FANCA: variants seen among roughly 807,000 people sequenced by gnomAD.
FANCA encodes Fanconi anemia group A protein.
In FANCA, 236 loss-of-function variants were observed where a neutral mutation model predicts 194.3. The observed-to-expected ratio is 1.21, with a 90% CI of 1.09 to 1.35. The LOEUF is 1.35. Among genes scored for constraint, FANCA ranks in the 40% most tolerant of loss-of-function variants. FANCA has a pLI of 0.00. For synonymous variants in FANCA, 1,014 were observed against 715.8 expected, an observed-to-expected ratio of 1.42 and a Z score of -6.65; for missense variants, 2,628 against 1,813.9, an observed-to-expected ratio of 1.45 and a Z score of -8.15.
chr16:89,795,697 T>C (rs183108125), intron 11 of FANCA, among the ~76,000 whole-genome samples: 4 of 152,342 alleles, frequency 2.6e-5, no homozygotes, highest in Admixed American at 6.5e-5. Context: ...CCACTCATAA[T>C]TCTGAATTTT....
At chr16:89,770,670 G>A (rs2039292866) in intron 23 of FANCA, 36 bp from the exon 24 acceptor site, 3 of 1,557,380 alleles carry the variant, frequency 1.9e-6, no homozygotes, top group Admixed American at 1.9e-5. Context: ...GTGGTGTCCT[G>A]GGGACGGGAG....
intron 3 of FANCA, among the ~76,000 whole-genome samples, 176 bp from the exon 4 acceptor site, chr16:89,811,247 C>G (rs1267684733): frequency 6.6e-6 from 1 of 152,156 alleles, no homozygotes; most frequent in Admixed American, 6.6e-5. Flanking sequence ...ATTTGATGAT[C>G]CAAGCAGCTC....
In FANCA at chr16:89,764,930, T is replaced by G. The variant is rs1302083447; in HGVS notation, c.2738A>C (p.His913Pro). The part of the protein sequence containing the change: ...WQRAALSLWT[H>P]RTFREVLKEE... ...TTTCAACACCTCTCGGAAGGTTCTGTGTGTCCAGAGAGAGAGGGCAGCTCT... is the reference window on the plus strand; with the variant it reads ...TTTCAACACCTCTCGGAAGGTTCTGGGTGTCCAGAGAGAGAGGGCAGCTCT... The change falls in exon 28 of 43, where the codon CAC (histidine) becomes CCC (proline). Residue 913 changes from histidine to proline, a missense_variant. By Grantham distance (77) the His-to-Pro change is moderately conservative. Coordinates refer to ENST00000389301, the MANE Select transcript of FANCA (RefSeq NM_000135.4). The G allele has an allele frequency of 1.9e-6, 3 of 1,614,068 alleles. No individual in the cohort carries two copies. Among genetic ancestry groups the G allele is most frequent in the Non-Finnish European group, 2.5e-6 (3 of 1,180,032 alleles).
intron 22 of FANCA, 150 bp downstream of exon 22, chr16:89,773,121 C>T (rs2039380539): frequency 2.9e-6 from 2 of 688,288 alleles, no homozygotes. Context: ...AAAGGTTCCA[C>T]ACCCGCCAGC....
At chr16:89,760,138 G>A (rs896014342) in intron 29 of FANCA, among the ~76,000 whole-genome samples, 15 of 152,214 alleles carry the variant, frequency 9.9e-5, no homozygotes, top group African/African-American at 3.1e-4. Flanking sequence ...TCCACGCAGC[G>A]GTGACCTGAT....
chr16:89,779,837 C>T (rs750613161), intron 18 of FANCA, 32 bp downstream of exon 18: 1 of 1,589,816 alleles, frequency 6.3e-7, no homozygotes, highest in Non-Finnish European at 8.6e-7. Flanking sequence ...CACACTGCAG[C>T]TGCTAGAGGC....
At chr16:89,771,155 C>CAAAAAAA (rs34471552) in intron 23 of FANCA, among the ~76,000 whole-genome samples, 1 of 56,644 alleles carries the variant, frequency 1.8e-5, no homozygotes, top group African/African-American at 7.3e-5. Flanking sequence ...AAGACTCAGT[C>CAAAAAAA]AAAAAAAAAA....
intron 37 of FANCA, among the ~76,000 whole-genome samples, chr16:89,742,287 C>G (rs1188728392): frequency 1.3e-5 from 2 of 151,860 alleles, no homozygotes; most frequent in Non-Finnish European, 2.9e-5. Context: ...TACAGACCCC[C>G]ATCTCAGAAA....
intron 6 of FANCA, among the ~76,000 whole-genome samples, chr16:89,805,601 G>C (rs2040611929): frequency 6.6e-6 from 1 of 152,092 alleles, no homozygotes; most frequent in Non-Finnish European, 1.5e-5. Flanking sequence ...TGGGACAACA[G>C]GCGCATACCA....
At chr16:89,759,318 T>TTAAAAAAAAA (rs1224981781) in intron 29 of FANCA, among the ~76,000 whole-genome samples, 1,207 of 75,202 alleles carry the variant, frequency 0.016, 309 homozygotes, top group South Asian at 0.03. Flanking sequence ...AGACTCCGTC[T>TTAAAAAAAAA]AAAAAAAAAA....
chr16:89,799,731 A>G, intron 8 of FANCA, 93 bp from the exon 9 acceptor site: 4 of 1,144,146 alleles, frequency 3.5e-6, no homozygotes, highest in East Asian at 2.4e-5. Flanking sequence ...TTGTTACTCT[A>G]AAGTAAAGAA....
intron 30 of FANCA, among the ~76,000 whole-genome samples, chr16:89,757,916 C>T (rs1025567274): frequency 2.0e-5 from 3 of 152,120 alleles, no homozygotes; most frequent in African/African-American, 4.8e-5. Context: ...CTTGCTCTGT[C>T]GCCCAGTCGG....
At chr16:89,745,099 GAGGGTGGCTGAGATGGACACAC>G in intron 35 of FANCA, 28 bp from the exon 36 acceptor site, 1 of 1,551,600 alleles carries the variant, frequency 6.4e-7, no homozygotes, top group East Asian at 2.4e-5. Flanking sequence ...GCACACAGAT[GAGGGTGGCTGAGATGGACACAC>G]CTCCGCTGCC....
chr16:89,758,991 G>A (rs2038853989), intron 29 of FANCA, among the ~76,000 whole-genome samples: 3 of 152,234 alleles, frequency 2.0e-5, no homozygotes, highest in South Asian at 2.1e-4. Context: ...TGGCCACACA[G>A]CACATGAGCT....
intron 23 of FANCA, 50 bp from the exon 24 acceptor site, chr16:89,770,684 C>A: frequency 1.3e-6 from 2 of 1,512,652 alleles, no homozygotes; most frequent in Non-Finnish European, 1.8e-6. Context: ...ACGGGAGCAG[C>A]AGGAAGGAAG....
chr16:89,743,780 G>A (rs964124657), intron 36 of FANCA, among the ~76,000 whole-genome samples: 3 of 152,140 alleles, frequency 2.0e-5, no homozygotes, highest in African/African-American at 7.2e-5. Context: ...CCGAGATCGT[G>A]CCATCTCACT....
intron 2 of FANCA, among the ~76,000 whole-genome samples, chr16:89,815,468 G>A (rs2041073058): frequency 6.7e-6 from 1 of 148,400 alleles, no homozygotes; most frequent in South Asian, 2.2e-4. Flanking sequence ...CAATTCTCCT[G>A]CCTCAGGCTC....
At chr16:89,759,559 G>C (rs922693288) in intron 29 of FANCA, among the ~76,000 whole-genome samples, 4 of 151,808 alleles carry the variant, frequency 2.6e-5, no homozygotes, top group African/African-American at 7.3e-5. Context: ...CCAGGAGTCT[G>C]ACATCAGCCT....
intron 18 of FANCA, among the ~76,000 whole-genome samples, chr16:89,779,353 T>G (rs549294736): frequency 4.6e-5 from 7 of 152,234 alleles, no homozygotes; most frequent in African/African-American, 1.7e-4. Context: ...TCCACATGTG[T>G]AACCACCAGA....
Sources: gnomAD v4.1 joint callset for allele counts (sites outside exome capture counted in the v4.1 genomes callset) on GRCh38, gnomAD v4.1.1 for gene constraint, MANE v1.5 for transcripts, NCBI Gene and HGNC (gene_info 2026-07-23, HGNC 2026-07-21) for gene names.